Variants in DYNC2H1 observed in about 807,000 individuals in gnomAD.
DYNC2H1 encodes cytoplasmic dynein 2 heavy chain 1.
In DYNC2H1, 410 loss-of-function variants were observed where a neutral mutation model predicts 570.0. That is an observed-to-expected ratio of 0.72 (90% confidence interval 0.66 to 0.78). The LOEUF (loss-of-function observed/expected upper bound fraction) is 0.78. DYNC2H1 is among the 30% of genes least tolerant of loss of function. The probability of loss-of-function intolerance (pLI) is 0.00; values close to 1 mark genes in which losing one functional copy is unlikely to be tolerated. For synonymous variants in DYNC2H1, 1,688 were observed against 1,677.6 expected, an observed-to-expected ratio of 1.01 and a Z score of -0.15; for missense variants, 4,865 against 5,046.4, an observed-to-expected ratio of 0.96 and a Z score of 1.09.
intron 12 of DYNC2H1, among the ~76,000 whole-genome samples, chr11:103,127,126 G>T (rs1251246752): frequency 6.6e-6 from 1 of 152,180 alleles, no homozygotes; most frequent in Non-Finnish European, 1.5e-5. Context: ...GTCTGGAAGA[G>T]TGTACATATG....
intron 83 of DYNC2H1, among the ~76,000 whole-genome samples, chr11:103,381,053 G>C (rs960751709): frequency 2.0e-5 from 3 of 152,176 alleles, no homozygotes; most frequent in African/African-American, 7.2e-5. Context: ...GGAGCATGGA[G>C]GTGATATAAA....
intron 17 of DYNC2H1, among the ~76,000 whole-genome samples, chr11:103,139,646 A>G (rs1055602829): frequency 4.6e-5 from 7 of 151,874 alleles, no homozygotes; most frequent in African/African-American, 9.7e-5. Context: ...TATGTGGTCA[A>G]TTTTGGAATA....
At chr11:103,146,705 C>A (rs1249647740) in intron 18 of DYNC2H1, among the ~76,000 whole-genome samples, 1 of 152,008 alleles carries the variant, frequency 6.6e-6, no homozygotes, top group Non-Finnish European at 1.5e-5. Flanking sequence ...TGGGTTCAAG[C>A]AATTCTCCTA....
chr11:103,279,122 G>A (rs1362999625), intron 70 of DYNC2H1, among the ~76,000 whole-genome samples: 1 of 152,138 alleles, frequency 6.6e-6, no homozygotes, highest in Non-Finnish European at 1.5e-5. Context: ...TAAGAGTGGT[G>A]TTTTTGATAC....
chr11:103,307,885 ATGACT>A, intron 78 of DYNC2H1, 54 bp downstream of exon 78: 1 of 1,039,964 alleles, frequency 9.6e-7, no homozygotes, highest in Non-Finnish European at 1.4e-6. Flanking sequence ...TACTCTATAC[ATGACT>A]TCTAAAACTT....
At position 103,220,644 on chromosome 11, in the gene DYNC2H1, C is replaced by T; in HGVS notation, c.8968C>T (p.Leu2990=). The T allele has an allele frequency of 1.9e-6, 3 of 1,609,202 alleles. No homozygotes were observed. The highest frequency in any genetic ancestry group is 1.7e-4 in the Middle Eastern group (1 of 6,038). ...EVQPLVNEAK[L]AVGNIKPESL... is the part of the protein sequence containing the mutation. ...TTAGCCTTTAGTCAATGAAGCTAAA[C>T]TAGCAGTTGGAAACATTAAGCCCGA... is the stretch of plus-strand genomic sequence containing the variant. The change falls in exon 57 of 89, where the codon CTA becomes TTA. Residue 2990 remains leucine, a synonymous_variant. Transcript: ENST00000375735.
intron 75 of DYNC2H1, among the ~76,000 whole-genome samples, chr11:103,295,247 T>C (rs1273785144): frequency 6.6e-6 from 1 of 152,224 alleles, no homozygotes; most frequent in East Asian, 1.9e-4. Context: ...GGCCCCGGGC[T>C]GCTGTATATG....
At chr11:103,222,408 T>C (rs1365946410) in intron 58 of DYNC2H1, among the ~76,000 whole-genome samples, 1 of 152,194 alleles carries the variant, frequency 6.6e-6, no homozygotes, top group African/African-American at 2.4e-5. Context: ...CAGCTTTTTT[T>C]TTAAGCTTTC....
chr11:103,182,654 T>G (rs766171784), intron 40 of DYNC2H1, among the ~76,000 whole-genome samples: 19 of 151,914 alleles, frequency 1.3e-4, no homozygotes, highest in Non-Finnish European at 2.5e-4. Context: ...GAAAAAAGTT[T>G]AGCATGCAAA....
chr11:103,299,947 A>T lies in DYNC2H1; in HGVS notation c.11096-3146A>T, dbSNP rs188114306. 4.9e-4 allele frequency among the ~76,000 whole-genome samples: 75 copies of T among 152,150 alleles called. No homozygotes were observed. The highest frequency in any genetic ancestry group is 4.9e-3 in the Admixed American group (74 of 15,254). On this transcript the variant is annotated intron_variant, in intron 75 of 88. Transcript: ENST00000375735. The surrounding 1 kb of genome is among the most constrained non-coding windows in gnomAD (Gnocchi z 4.5). ...TTTCCCATTTAATTGGTTCATATAT[A>T]TTGGGTTAGGTAGTGGCTGTTGATT...
intron 70 of DYNC2H1, among the ~76,000 whole-genome samples, chr11:103,278,379 A>G (rs887114409): frequency 6.6e-6 from 1 of 152,200 alleles, no homozygotes; most frequent in African/African-American, 2.4e-5. Flanking sequence ...CAGATACATT[A>G]TCTAATCTAA....
Position 103,235,603 on chromosome 11 carries a change from A to C in DYNC2H1, c.9568-69A>C. On this transcript the variant is annotated intron_variant, in intron 61 of 88. Transcript: ENST00000375735. ...TTCCCCCTCACAGTCAAAACCATAAAACTGTCATTTTCTTTAATGTTAGAA... is the reference window on the plus strand; with the variant it reads ...TTCCCCCTCACAGTCAAAACCATAACACTGTCATTTTCTTTAATGTTAGAA... The C allele has an allele frequency of 2.1e-6, 3 of 1,423,644 alleles. No homozygotes were observed. In the Admixed American group the frequency reaches 6.9e-5, roughly 33 times the overall value. The allele number at this position is 1,423,644 out of a possible 1,614,324, so 88.2% of individuals were successfully genotyped here. A position where few individuals can be genotyped will look rare whatever the true frequency, so the allele number is the denominator to read the frequency against.
rs1591268486 is a variant in DYNC2H1, at chr11:103,120,391, A to G, written c.1000-56A>G. On this transcript the variant is annotated intron_variant, in intron 6 of 88. Transcript: ENST00000375735. Reference sequence around the variant, plus strand: ...CCCAATATATCTAGATTTTAGACCTATTTATGCAAATGGTTGGATTTAAAT... The same window carrying G: ...CCCAATATATCTAGATTTTAGACCTGTTTATGCAAATGGTTGGATTTAAAT... 8 of 1,448,332 alleles carry G rather than the reference A, an allele frequency of 5.5e-6. No homozygotes were observed. In the East Asian group the frequency reaches 1.7e-4, roughly 30 times the overall value. The allele number at this position is 1,448,332 out of a possible 1,614,324, so 89.7% of individuals were successfully genotyped here.
chr11:103,373,734 G>T (rs1483962398), intron 83 of DYNC2H1, among the ~76,000 whole-genome samples: 1 of 152,166 alleles, frequency 6.6e-6, no homozygotes, highest in Non-Finnish European at 1.5e-5. Flanking sequence ...TAGTCCAATG[G>T]TTTTTTATTT....
chr11:103,391,941 G>T (rs1942171314), intron 83 of DYNC2H1, among the ~76,000 whole-genome samples: 1 of 152,196 alleles, frequency 6.6e-6, no homozygotes, highest in African/African-American at 2.4e-5. Flanking sequence ...CTACTCGGGG[G>T]TCAGGGACCC....
chr11:103,122,909 T>A lies in DYNC2H1; in HGVS notation c.1570T>A (p.Leu524Ile), dbSNP rs370074355. 1.2e-6 allele frequency: 2 copies of A among 1,612,662 alleles called. No homozygotes were observed. Among genetic ancestry groups the A allele is most frequent in the Non-Finnish European group, 1.7e-6 (2 of 1,179,332 alleles). The change falls in exon 11 of 89, where the codon TTA (leucine) becomes ATA (isoleucine). Residue 524 changes from leucine (L) to isoleucine (I), a missense_variant. Physicochemically the swap from Leu to Ile is conservative, Grantham distance 5. Around this residue, in one of 5 missense-constraint regions of DYNC2H1, gnomAD observed 1,936 missense variants for 1,962.1 expected, o/e 0.99. Transcript: ENST00000375735. ...RCFHQSAKDL[L>I]DQLKLYEQEQ... ...TTTCCATCAAAGTGCCAAAGATCTC[T>A]TAGACCAGCTTAAACTATATGAACA... is the stretch of plus-strand genomic sequence containing the variant.
intron 85 of DYNC2H1, among the ~76,000 whole-genome samples, chr11:103,438,282 T>G (rs1212657366): frequency 6.6e-6 from 1 of 152,226 alleles, no homozygotes; most frequent in Admixed American, 6.5e-5. Context: ...GATTTGCTTT[T>G]CATCTATTCA....
chr11:103,286,471 T>G, intron 74 of DYNC2H1, 85 bp downstream of exon 74: 3 of 1,487,674 alleles, frequency 2.0e-6, no homozygotes, highest in Non-Finnish European at 2.7e-6. Flanking sequence ...AGCTTTGCTT[T>G]TAGAGTGTTA....
At chr11:103,400,867 T>C (rs562685571) in intron 84 of DYNC2H1, among the ~76,000 whole-genome samples, 13 of 152,314 alleles carry the variant, frequency 8.5e-5, no homozygotes, top group African/African-American at 2.9e-4. Context: ...TATTTTACCT[T>C]GAAAAAGAAT....
Sources: gnomAD v4.1 joint callset for allele counts (sites outside exome capture counted in the v4.1 genomes callset) on GRCh38, gnomAD v4.1.1 for gene constraint, gnomAD v4.1.1 regional missense constraint, Gnocchi (gnomAD v3.1) non-coding constraint, MANE v1.5 for transcripts, NCBI Gene and HGNC (gene_info 2026-07-23, HGNC 2026-07-21) for gene names.